The following FARSB variants were observed in gnomAD, a reference collection of about 807,000 sequenced individuals.
FARSB encodes the protein phenylalanine--tRNA ligase beta subunit.
In FARSB, 40 loss-of-function variants were observed where a neutral mutation model predicts 69.6. That is an observed-to-expected ratio of 0.57 (90% CI 0.45 to 0.75). The LOEUF (loss-of-function observed/expected upper bound fraction) is 0.75, where lower values mean the gene tolerates loss of function less well. Ranked by LOEUF, FARSB falls within the 30% of genes least tolerant of loss-of-function variation. The pLI, the probability that FARSB is intolerant of heterozygous loss-of-function variation, is 0.00. For synonymous variants in FARSB, 235 were observed against 247.2 expected, an observed-to-expected ratio of 0.95 and a Z score of 0.46; for missense variants, 632 against 722.9, an observed-to-expected ratio of 0.87 and a Z score of 1.44.
intron 16 of FARSB, among the ~76,000 whole-genome samples, chr2:222,575,914 G>A (rs1043955274): frequency 6.6e-6 from 1 of 152,024 alleles, no homozygotes; most frequent in African/African-American, 2.4e-5. Context: ...GACCATCAAA[G>A]AGTTTGTAAG....
rs536163185 is a variant in FARSB at position 222,570,159 on chromosome 2, C to T, written c.*1712G>A. On this transcript the variant is annotated 3_prime_UTR_variant, in exon 17 of 17. Transcript: ENST00000281828. ...ACGATGTTGAGGATCTTTTCAAGTG[C>T]TCATTCATATGTCATCTTTTGGGAA... 9.2e-5 allele frequency among the ~76,000 whole-genome samples: 14 copies of T among 152,272 alleles called. No individual in the cohort carries two copies. The highest frequency in any genetic ancestry group is 1.6e-4 in the Non-Finnish European group (11 of 68,008).
At chr2:222,604,110 C>G (rs1690639527) in intron 15 of FARSB, among the ~76,000 whole-genome samples, 1 of 151,480 alleles carries the variant, frequency 6.6e-6, no homozygotes, top group African/African-American at 2.4e-5. Flanking sequence ...CCCAGCTACT[C>G]AGGAGGCTGA....
Position 222,656,044 on chromosome 2 carries a change from C to A in FARSB, c.30G>T (p.Leu10=). The change falls in exon 1 of 17, where the codon CTG becomes CTT. Residue 10 remains leucine (L), a synonymous_variant. Coordinates refer to ENST00000281828, the MANE Select transcript of FARSB (RefSeq NM_005687.5). ...AGGTGCGGCCCAGGGCTTGGAAGAGCAGATCACGCTTCACGCTGACAGTCG... is the reference window on the plus strand; with the variant it reads ...AGGTGCGGCCCAGGGCTTGGAAGAGAAGATCACGCTTCACGCTGACAGTCG... MPTVSVKRD[L]LFQALGRTYT... is the part of the protein sequence containing the mutation. 6.3e-7 allele frequency: 1 copy of A among 1,597,556 alleles called. No homozygotes were observed. The highest frequency in any genetic ancestry group is 1.8e-5 in the Admixed American group (1 of 56,586).
chr2:222,593,933 T>G (rs1690342889), intron 16 of FARSB, among the ~76,000 whole-genome samples: 1 of 151,140 alleles, frequency 6.6e-6, no homozygotes. Context: ...TATTTTCTTA[T>G]ATCAAGGAAA....
In FARSB at chr2:222,569,618, CAA is replaced by C. The variant is rs905085157; in HGVS notation, c.*2251_*2252del. 1 of 152,126 alleles carries C rather than the reference CAA, an allele frequency of 6.6e-6. No homozygotes were observed. Among genetic ancestry groups the C allele is most frequent in the African/African-American group, 2.4e-5 (1 of 41,398 alleles). 9.4% of individuals were successfully genotyped at this position (152,126 alleles called of 1,614,324 possible). ...AATTAAGATAAAATTTCCATCACCC[CAA>C]AAAGTTTTCTCTTAACCCACTGCAG... On this transcript the variant is annotated 3_prime_UTR_variant, in exon 17 of 17. Coordinates refer to ENST00000281828, the MANE Select transcript of FARSB (RefSeq NM_005687.5).
chr2:222,623,009 C>G (rs1168296400), intron 13 of FARSB, among the ~76,000 whole-genome samples: 1 of 152,036 alleles, frequency 6.6e-6, no homozygotes, highest in Admixed American at 6.6e-5. Context: ...GCTTCCTTTC[C>G]CCTCATAGAT....
At chr2:222,603,645 GATTA>G (rs1249711040) in intron 15 of FARSB, among the ~76,000 whole-genome samples, 1 of 146,254 alleles carries the variant, frequency 6.8e-6, no homozygotes, top group African/African-American at 2.5e-5. Context: ...GAGCTAATAC[GATTA>G]ATTATATTAT....
rs149126816 is a variant in FARSB, at chr2:222,618,587, T to C, written c.1344+1058A>G. Among the ~76,000 whole-genome samples the C allele has an allele frequency of 7.9e-3, 1,206 of 152,298 alleles. 15 individuals carry two copies. The highest frequency in any genetic ancestry group is 0.028 in the African/African-American group (1,160 of 41,558). On this transcript the variant is annotated intron_variant, in intron 14 of 16. Transcript: ENST00000281828. ...ATTTAAAGTTATTAATAAGCAAAGA[T>C]GTTATAATCTTAAAATGCCCTCCCT... is the stretch of plus-strand genomic sequence containing the variant.
intron 16 of FARSB, among the ~76,000 whole-genome samples, chr2:222,590,193 G>T (rs1345173958): frequency 1.3e-5 from 2 of 152,056 alleles, no homozygotes; most frequent in Admixed American, 6.6e-5. Flanking sequence ...CCATAAAAAA[G>T]GACGAGTTCA....
At chr2:222,620,953 A>C (rs535221996) in intron 13 of FARSB, among the ~76,000 whole-genome samples, 6 of 152,360 alleles carry the variant, frequency 3.9e-5, no homozygotes, top group African/African-American at 1.4e-4. Flanking sequence ...CAGCCATAGC[A>C]GAAAACAGCT....
At chr2:222,599,359 A>G (rs1011953130) in intron 16 of FARSB, among the ~76,000 whole-genome samples, 3 of 152,232 alleles carry the variant, frequency 2.0e-5, no homozygotes, top group Non-Finnish European at 4.4e-5. Flanking sequence ...TTAGGAGCAC[A>G]TATATACCAT....
In FARSB at chr2:222,569,812, G is replaced by A. The variant is rs981938045; in HGVS notation, c.*2059C>T. 6.6e-6 allele frequency: 1 copy of A among 152,030 alleles called. No individual in the cohort carries two copies. The highest frequency in any genetic ancestry group is 6.6e-5 in the Admixed American group (1 of 15,254). The allele number at this position is 152,030 out of a possible 1,614,324, so 9.4% of individuals were successfully genotyped here. A position where few individuals can be genotyped will look rare whatever the true frequency, so the allele number is the denominator to read the frequency against. ...GATCAGTAGTTCATTCCTTCTTATT[G>A]CTGAGAAGTATTTCATAGTATGGAT... On this transcript the variant is annotated 3_prime_UTR_variant, in exon 17 of 17. Coordinates refer to ENST00000281828, the MANE Select transcript of FARSB (RefSeq NM_005687.5).
At chr2:222,603,292 A>G (rs1283419183) in intron 15 of FARSB, among the ~76,000 whole-genome samples, 2 of 152,258 alleles carry the variant, frequency 1.3e-5, no homozygotes, top group Non-Finnish European at 2.9e-5. Context: ...ATTTACTCCC[A>G]TAGGTAAAAG....
chr2:222,603,888 G>A (rs547374489), intron 15 of FARSB, among the ~76,000 whole-genome samples: 41 of 152,002 alleles, frequency 2.7e-4, no homozygotes, highest in Non-Finnish European at 5.0e-4. Flanking sequence ...GCAAGCTTAT[G>A]TATGGCTATA....
At chr2:222,636,933 C>G (rs1691596161) in intron 5 of FARSB, among the ~76,000 whole-genome samples, 1 of 152,108 alleles carries the variant, frequency 6.6e-6, no homozygotes, top group African/African-American at 2.4e-5. Context: ...CGCTAAGATG[C>G]CCCAGATTCT....
rs1477861871 is a variant in FARSB at position 222,581,389 on chromosome 2, G to A, written c.1619-9367C>T. 2.0e-5 allele frequency among the ~76,000 whole-genome samples: 3 copies of A among 152,288 alleles called. No individual in the cohort carries two copies. In the East Asian group the frequency reaches 5.8e-4, roughly 29 times the overall value. ...CAGATGAATGAAACTGGAGAAGACAGATCTCTAATGGATGTTCTGTTATGT... is the reference window on the plus strand; with the variant it reads ...CAGATGAATGAAACTGGAGAAGACAAATCTCTAATGGATGTTCTGTTATGT... On this transcript the variant is annotated intron_variant, in intron 16 of 16. Transcript: ENST00000281828.
chr2:222,606,252 A>C (rs904118265), intron 15 of FARSB, among the ~76,000 whole-genome samples: 1 of 152,168 alleles, frequency 6.6e-6, no homozygotes, highest in Non-Finnish European at 1.5e-5. Context: ...ACTGAATCAA[A>C]GGAGAAAATA....
intron 1 of FARSB, among the ~76,000 whole-genome samples, chr2:222,654,015 A>G (rs1331870421): frequency 6.6e-6 from 1 of 152,250 alleles, no homozygotes; most frequent in Non-Finnish European, 1.5e-5. Flanking sequence ...AGCAGACAGA[A>G]TATGTTAAAA....
chr2:222,573,293 T>G (rs1186845966), intron 16 of FARSB, among the ~76,000 whole-genome samples: 1 of 152,182 alleles, frequency 6.6e-6, no homozygotes, highest in African/African-American at 2.4e-5. Flanking sequence ...GGTGAAATAT[T>G]AAGGTGGCCT....
Sources: gnomAD v4.1 joint callset for allele counts (sites outside exome capture counted in the v4.1 genomes callset) on GRCh38, gnomAD v4.1.1 for gene constraint, MANE v1.5 for transcripts, NCBI Gene and HGNC (gene_info 2026-07-23, HGNC 2026-07-21) for gene names.